The following NCKAP5 variants were observed in gnomAD, a reference collection of about 807,000 sequenced individuals.
The protein encoded by NCKAP5 is NCK associated protein 5, also known as nck-associated protein 5.
A neutral mutation model predicts 167.0 loss-of-function variants in NCKAP5; 92 were observed. That is an observed-to-expected ratio of 0.55 (90% CI 0.47 to 0.66). The LOEUF (loss-of-function observed/expected upper bound fraction) is 0.66, where lower values mean the gene tolerates loss of function less well. NCKAP5 is among the 30% of genes least tolerant of loss of function. The probability of loss-of-function intolerance (pLI) is 0.00; values close to 1 mark genes in which losing one functional copy is unlikely to be tolerated. For missense variants in NCKAP5, 2,378 were observed against 2,315.0 expected (o/e 1.03, Z -0.56); for synonymous variants, 891 against 877.4 (o/e 1.02, Z -0.27).
the NCKAP5 span, among the ~76,000 whole-genome samples, chr2:133,618,870 G>T: frequency 7.1e-6 from 1 of 140,892 alleles, no homozygotes; most frequent in Non-Finnish European, 1.6e-5. Context: ...GTTTATTGCG[G>T]CATTATTCAC....
chr2:133,168,608 G>C (rs1392480203), intron 5 of NCKAP5, among the ~76,000 whole-genome samples: 1 of 152,062 alleles, frequency 6.6e-6, no homozygotes, highest in Admixed American at 6.6e-5. Context: ...GAGAGTCACT[G>C]AGTTCAATTT....
the NCKAP5 span, among the ~76,000 whole-genome samples, chr2:133,652,181 G>A: frequency 6.6e-6 from 1 of 152,112 alleles, no homozygotes; most frequent in East Asian, 1.9e-4. Context: ...ATACAAAGAT[G>A]GAGATTCACT....
At position 133,427,542 on chromosome 2, in the gene NCKAP5, G is replaced by A. The variant is rs74857984; in HGVS notation, c.69+89916C>T. Among the ~76,000 whole-genome samples the A allele has an allele frequency of 2.9e-3, 437 of 152,220 alleles. 3 individuals are homozygous for A. Among genetic ancestry groups the A allele is most frequent in the African/African-American group, 0.01 (422 of 41,556 alleles). ...TTTCATAATTAACTTTACTGAGCCA[G>A]CAGATCCTTAGCACAGATAAAGAAA... On this transcript the variant is annotated intron_variant, in intron 3 of 19. Coordinates refer to ENST00000409261, the MANE Select transcript of NCKAP5 (RefSeq NM_207363.3).
intron 3 of NCKAP5, among the ~76,000 whole-genome samples, chr2:133,348,365 T>C (rs1452992956): frequency 6.6e-6 from 1 of 152,202 alleles, no homozygotes; most frequent in Admixed American, 6.5e-5. Flanking sequence ...GTAGTTTTAT[T>C]TGGGGAGTAG....
chr2:133,115,230 A>G (rs1024084194), intron 6 of NCKAP5, among the ~76,000 whole-genome samples: 6 of 152,160 alleles, frequency 3.9e-5, no homozygotes, highest in African/African-American at 1.4e-4. Flanking sequence ...GTATGAATTG[A>G]GCTGTTTTTG....
chr2:133,419,140 C>T (rs895488453), intron 3 of NCKAP5, among the ~76,000 whole-genome samples: 2 of 152,172 alleles, frequency 1.3e-5, no homozygotes, highest in African/African-American at 2.4e-5. Context: ...CAATCAGAGA[C>T]GGAACCCTCA....
chr2:132,872,035 T>C lies in NCKAP5; in HGVS notation c.649-3061A>G, dbSNP rs149080326. 2.3e-3 allele frequency among the ~76,000 whole-genome samples: 350 copies of C among 152,342 alleles called. 1 individual carries two copies. Among genetic ancestry groups the C allele is most frequent in the Non-Finnish European group, 3.2e-3 (217 of 68,026 alleles). On this transcript the variant is annotated intron_variant, in intron 9 of 19. Transcript: ENST00000409261. ...TGGGTTGCAAATAATCACACACCCA[T>C]AGGCCCAGCTAGTGAGAACAAATCA... is the stretch of plus-strand genomic sequence containing the variant.
At chr2:133,058,212 T>TTAA (rs2079869823) in intron 6 of NCKAP5, among the ~76,000 whole-genome samples, 1 of 152,208 alleles carries the variant, frequency 6.6e-6, no homozygotes, top group Non-Finnish European at 1.5e-5. Context: ...ACAAGGTGAT[T>TTAA]TAAATTGTTT....
At chr2:133,374,836 C>T (rs1361229903) in intron 3 of NCKAP5, among the ~76,000 whole-genome samples, 4 of 152,210 alleles carry the variant, frequency 2.6e-5, no homozygotes, top group Non-Finnish European at 5.9e-5. Flanking sequence ...TAGTAAAAGC[C>T]TCACAACTGG....
intron 6 of NCKAP5, among the ~76,000 whole-genome samples, chr2:133,010,460 A>G (rs1051168463): frequency 6.6e-6 from 1 of 152,190 alleles, no homozygotes; most frequent in African/African-American, 2.4e-5. Flanking sequence ...AGGCCTCAAG[A>G]TAATGCTCCT....
chr2:132,925,083 TGGCACCAA>T, intron 8 of NCKAP5, among the ~76,000 whole-genome samples: 1 of 152,264 alleles, frequency 6.6e-6, no homozygotes, highest in South Asian at 2.1e-4. Flanking sequence ...TCAACATTTT[TGGCACCAA>T]GGACCAGTTT....
At position 132,731,950 on chromosome 2, in the gene NCKAP5, A is replaced by G. The variant is rs1230750011; in HGVS notation, c.5230T>C (p.Ser1744Pro). 1 of 1,613,794 alleles carries G rather than the reference A, an allele frequency of 6.2e-7. No homozygotes were observed. The highest frequency in any genetic ancestry group is 8.5e-7 in the Non-Finnish European group (1 of 1,179,854). The change falls in exon 17 of 20, where the codon TCC becomes CCC. Residue 1744 changes from serine (S) to proline (P), a missense_variant. By Grantham distance (74) the Ser-to-Pro change is moderately conservative. Around this residue, in one of 3 missense-constraint regions of NCKAP5, gnomAD observed 1,325 missense variants for 1,274.5 expected, o/e 1.04. Coordinates refer to ENST00000409261, the MANE Select transcript of NCKAP5 (RefSeq NM_207363.3). The stretch of plus-strand genomic sequence containing the variant: ...AGGAGAGGCTCAGCGTCCTCTGGGG[A>G]GTCTGGCTGGCATAGGTAGCGTCCT... ...STGRYLCQPD[S>P]PEDAEPLLPL...
chr2:132,827,211 A>T (rs1488991123), intron 11 of NCKAP5, among the ~76,000 whole-genome samples: 1 of 152,018 alleles, frequency 6.6e-6, no homozygotes, highest in Non-Finnish European at 1.5e-5. Flanking sequence ...TGTGATATAT[A>T]TTTTTTTAAT....
intron 3 of NCKAP5, among the ~76,000 whole-genome samples, chr2:133,344,513 C>T (rs980398127): frequency 4.0e-5 from 6 of 151,866 alleles, no homozygotes; most frequent in African/African-American, 1.5e-4. Context: ...AAGCACTGCA[C>T]TGCAGCAAAG....
chr2:133,009,796 G>A (rs906785761), intron 6 of NCKAP5, among the ~76,000 whole-genome samples: 5 of 152,104 alleles, frequency 3.3e-5, no homozygotes, highest in East Asian at 3.9e-4. Flanking sequence ...TGGGCCGGGC[G>A]CAGTGGCTCA....
At chr2:132,761,064 C>T (rs948870117) in intron 16 of NCKAP5, among the ~76,000 whole-genome samples, 8 of 151,146 alleles carry the variant, frequency 5.3e-5, no homozygotes, top group African/African-American at 1.7e-4. Context: ...CTTTTTTCCC[C>T]AGCTATTGTT....
chr2:133,184,865 G>C (rs1186266036), intron 5 of NCKAP5, among the ~76,000 whole-genome samples: 1 of 152,086 alleles, frequency 6.6e-6, no homozygotes, highest in East Asian at 1.9e-4. Context: ...CTGGATATTA[G>C]ACCTTCGTCA....
intron 11 of NCKAP5, among the ~76,000 whole-genome samples, chr2:132,800,267 A>G (rs186050123): frequency 5.3e-5 from 8 of 152,334 alleles, no homozygotes; most frequent in Admixed American, 2.0e-4. Context: ...GTTCATATTT[A>G]CTGTTAGTGT....
At chr2:133,107,058 T>TA (rs925433527) in intron 6 of NCKAP5, among the ~76,000 whole-genome samples, 17 of 152,104 alleles carry the variant, frequency 1.1e-4, no homozygotes, top group African/African-American at 2.4e-4. Flanking sequence ...TGTAGAGTTG[T>TA]AAAAAAAAGT....
Sources: allele counts gnomAD v4.1 joint callset (sites outside exome capture counted in the v4.1 genomes callset), GRCh38; gene constraint gnomAD v4.1.1; regional missense constraint gnomAD v4.1.1; transcripts MANE v1.5; gene names NCBI Gene and HGNC (gene_info 2026-07-23, HGNC 2026-07-21).